Variants in IL20RB observed in about 807,000 individuals in gnomAD.
IL20RB encodes the protein interleukin 20 receptor subunit beta.
Under a neutral mutation model 33.3 loss-of-function variants are expected in IL20RB, and 21 were observed. The ratio of observed to expected loss-of-function variants is 0.63; its 90% CI spans 0.45 to 0.91. The LOEUF (loss-of-function observed/expected upper bound fraction) is 0.91, where lower values mean the gene tolerates loss of function less well. IL20RB is among the 40% of genes least tolerant of loss of function. The pLI is 0.00. For synonymous variants in IL20RB, 147 were observed against 146.8 expected (o/e 1.00, Z -0.01); for missense variants, 345 against 384.8 (o/e 0.90, Z 0.86).
chr3:137,010,418 G>C lies in IL20RB; in HGVS notation c.*195G>C. On this transcript the variant is annotated 3_prime_UTR_variant, in exon 7 of 7. Coordinates refer to ENST00000329582, the MANE Select transcript of IL20RB (RefSeq NM_144717.4). ...AACAGAACACTGACTGAGGCTTAGG[G>C]GATGTGACCTCTAGACTGGGGGCTG... 2.0e-6 allele frequency: 1 copy of C among 512,558 alleles called. No individual in the cohort carries two copies. The highest frequency in any genetic ancestry group is 3.5e-6 in the Non-Finnish European group (1 of 284,434). 31.8% of individuals were successfully genotyped at this position (512,558 alleles called of 1,614,324 possible).
At chr3:136,983,708 C>T (rs534409912) in intron 3 of IL20RB, among the ~76,000 whole-genome samples, 4 of 152,334 alleles carry the variant, frequency 2.6e-5, no homozygotes, top group African/African-American at 9.6e-5. Flanking sequence ...GAATAGGAGA[C>T]ACCCCCGGCT....
chr3:137,003,173 C>A (rs539475141), intron 6 of IL20RB, among the ~76,000 whole-genome samples: 1 of 152,146 alleles, frequency 6.6e-6, no homozygotes, highest in Non-Finnish European at 1.5e-5. Context: ...GTTACTGTAG[C>A]CTTGTAGTAC....
At chr3:136,987,815 G>A (rs1003392387) in intron 3 of IL20RB, among the ~76,000 whole-genome samples, 3 of 152,314 alleles carry the variant, frequency 2.0e-5, no homozygotes, top group South Asian at 4.1e-4. Context: ...TACACCCTCC[G>A]CAGCCGCTGG....
chr3:136,966,177 C>A (rs1307310574), intron 1 of IL20RB, among the ~76,000 whole-genome samples: 1 of 142,524 alleles, frequency 7.0e-6, no homozygotes, highest in African/African-American at 2.8e-5. Context: ...TGTGTCTCTG[C>A]CTGGTTTTGG....
At position 136,992,084 on chromosome 3, in the gene IL20RB, G is replaced by A. The variant is rs765288051; in HGVS notation, c.678G>A (p.Val226=). 6.2e-7 allele frequency: 1 copy of A among 1,614,038 alleles called. No individual in the cohort carries two copies. Among genetic ancestry groups the A allele is most frequent in the East Asian group, 2.2e-5 (1 of 44,874 alleles). ...SAFSQTECVE[V]QGEAIPLVLA... The stretch of plus-strand genomic sequence containing the variant: ...TCAGCCAGACAGAATGTGTGGAGGT[G>A]CAAGGTAAGGATGGCTTCTCTGTCC... Residue 226 remains valine (V), a synonymous_variant, in exon 5 of 7, where the codon GTG becomes GTA. Transcript: ENST00000329582.
At chr3:136,993,728 A>G (rs989949255) in intron 5 of IL20RB, among the ~76,000 whole-genome samples, 2 of 151,898 alleles carry the variant, frequency 1.3e-5, no homozygotes, top group African/African-American at 4.8e-5. Flanking sequence ...CTCATTTTTA[A>G]AGAGCCAGGT....
At chr3:136,961,921 C>T (rs1941228600) in intron 1 of IL20RB, among the ~76,000 whole-genome samples, 1 of 152,092 alleles carries the variant, frequency 6.6e-6, no homozygotes, top group South Asian at 2.1e-4. Context: ...TAAAAGGGCA[C>T]AGGCAGCTTG....
chr3:137,004,285 A>G (rs1013626782), intron 6 of IL20RB, among the ~76,000 whole-genome samples: 2 of 152,170 alleles, frequency 1.3e-5, no homozygotes, highest in African/African-American at 4.8e-5. Context: ...TCATAAAATG[A>G]GTTAGGGAGG....
chr3:136,998,801 T>G (rs1942185070), intron 6 of IL20RB, among the ~76,000 whole-genome samples: 1 of 151,920 alleles, frequency 6.6e-6, no homozygotes, highest in Non-Finnish European at 1.5e-5. Context: ...GGATGACATG[T>G]GCGAGAGCCA....
chr3:136,958,600 AAG>A (rs1183804135), intron 1 of IL20RB, among the ~76,000 whole-genome samples: 1 of 152,218 alleles, frequency 6.6e-6, no homozygotes, highest in African/African-American at 2.4e-5. Context: ...CATGAATAAA[AAG>A]ACAATTTGTG....
chr3:136,991,477 G>A (rs1942029282), intron 4 of IL20RB, among the ~76,000 whole-genome samples: 1 of 152,214 alleles, frequency 6.6e-6, no homozygotes, highest in Non-Finnish European at 1.5e-5. Context: ...TTGAATGAAT[G>A]AGTGCCTGAA....
rs77232472 is a variant in IL20RB, at chr3:136,988,218, G to A, written c.407-1223G>A. On this transcript the variant is annotated intron_variant, in intron 3 of 6. Transcript: ENST00000329582. Reference sequence around the variant, plus strand: ...CACCCCTTTCCAATCCAAGACCAGTGATCAGGGTGGCCCTTCTGGTCCTGC... The same window carrying A: ...CACCCCTTTCCAATCCAAGACCAGTAATCAGGGTGGCCCTTCTGGTCCTGC... Among the ~76,000 whole-genome samples the A allele has an allele frequency of 8.5e-3, 1,292 of 152,298 alleles. 23 individuals are homozygous for A. The highest frequency in any genetic ancestry group is 0.03 in the African/African-American group (1,247 of 41,574).
intron 1 of IL20RB, among the ~76,000 whole-genome samples, chr3:136,958,621 A>G (rs922508388): frequency 2.6e-5 from 4 of 152,230 alleles, no homozygotes; most frequent in African/African-American, 9.6e-5. Context: ...TGAGCTTAAC[A>G]TTGGATACGA....
intron 1 of IL20RB, among the ~76,000 whole-genome samples, chr3:136,967,290 G>A (rs1941378251): frequency 6.8e-6 from 1 of 146,958 alleles, no homozygotes; most frequent in South Asian, 2.2e-4. Flanking sequence ...AATGTTGACA[G>A]TGGGGTGTTA....
chr3:136,969,735 C>T (rs1941422552), intron 1 of IL20RB, among the ~76,000 whole-genome samples: 1 of 152,188 alleles, frequency 6.6e-6, no homozygotes, highest in African/African-American at 2.4e-5. Context: ...GGCTCCTCCT[C>T]CCTCTCTAGA....
At chr3:136,983,658 G>T (rs887253412) in intron 3 of IL20RB, among the ~76,000 whole-genome samples, 3 of 152,206 alleles carry the variant, frequency 2.0e-5, no homozygotes, top group Admixed American at 6.5e-5. Flanking sequence ...GAGAACACCA[G>T]CTAAGGCAAA....
intron 4 of IL20RB, among the ~76,000 whole-genome samples, chr3:136,991,382 G>T (rs1942027307): frequency 6.6e-6 from 1 of 152,152 alleles, no homozygotes; most frequent in South Asian, 2.1e-4. Context: ...CCCCATGAGA[G>T]CAAGGACTTT....
At chr3:137,000,981 G>A (rs1324680078) in intron 6 of IL20RB, among the ~76,000 whole-genome samples, 1 of 152,120 alleles carries the variant, frequency 6.6e-6, no homozygotes, top group Non-Finnish European at 1.5e-5. Context: ...TGAGGAACAG[G>A]GTAAAGAGAC....
chr3:136,986,538 A>G (rs140651774), intron 3 of IL20RB, among the ~76,000 whole-genome samples: 6 of 152,314 alleles, frequency 3.9e-5, no homozygotes, highest in African/African-American at 1.4e-4. Flanking sequence ...ATGTGGTCAT[A>G]TGAACCTCAG....
Sources: allele counts gnomAD v4.1 joint callset (sites outside exome capture counted in the v4.1 genomes callset), GRCh38; gene constraint gnomAD v4.1.1; transcripts MANE v1.5; gene names NCBI Gene and HGNC (gene_info 2026-07-23, HGNC 2026-07-21).